SLC5A5: variants seen among roughly 807,000 people sequenced by gnomAD.
SLC5A5 encodes solute carrier family 5 member 5.
SLC5A5 carries 56 observed loss-of-function variants against 68.6 expected under a neutral mutation model. That is an observed-to-expected ratio of 0.82 (90% CI 0.66 to 1.02). The LOEUF (loss-of-function observed/expected upper bound fraction) is 1.02. Among genes scored for constraint, SLC5A5 ranks in the 50% least tolerant of loss-of-function variants. SLC5A5 has a pLI of 0.00. For synonymous variants in SLC5A5, 398 were observed against 373.0 expected, an observed-to-expected ratio of 1.07 and a Z score of -0.77; for missense variants, 807 against 859.8, an observed-to-expected ratio of 0.94 and a Z score of 0.77.
At chr19:17,887,753 A>G (rs960686342) in intron 12 of SLC5A5, among the ~76,000 whole-genome samples, 3 of 151,740 alleles carry the variant, frequency 2.0e-5, no homozygotes, top group Admixed American at 6.6e-5. Flanking sequence ...ACCCGCCATC[A>G]GGCCTGGCTA....
rs1057223499 is a variant in SLC5A5 at position 17,872,197 on chromosome 19, G to T, written c.-123G>T. On this transcript the variant is annotated 5_prime_UTR_variant, in exon 1 of 15. Coordinates refer to ENST00000222248, the MANE Select transcript of SLC5A5 (RefSeq NM_000453.3). ...GCCGCTTCCCACCCCAGACGGAGCG[G>T]GGACAGGCTGCCGAGCATCCTCCCA... The T allele has an allele frequency of 4.2e-6, 3 of 717,428 alleles. No homozygotes were observed. Among genetic ancestry groups the T allele is most frequent in the Non-Finnish European group, 6.9e-6 (3 of 432,290 alleles). 44.4% of individuals were successfully genotyped at this position (717,428 alleles called of 1,614,324 possible).
At chr19:17,887,441 C>T (rs906297785) in intron 12 of SLC5A5, among the ~76,000 whole-genome samples, 8 of 151,952 alleles carry the variant, frequency 5.3e-5, no homozygotes, top group Non-Finnish European at 1.2e-4. Flanking sequence ...ACTACAGGTG[C>T]ACACCACTAT....
In SLC5A5 at chr19:17,883,677, C is replaced by G. The variant is rs374842275; in HGVS notation, c.1243-4C>G. On this transcript the variant is annotated splice_polypyrimidine_tract_variant and splice_region_variant and intron_variant, in intron 10 of 14. Coordinates refer to ENST00000222248, the MANE Select transcript of SLC5A5 (RefSeq NM_000453.3). ...CTCAGCCCCACTTCCACCTACTCTC[C>G]CAGGGCTCCTTCACCGTCATGGGAG... 7.3e-5 allele frequency: 118 copies of G among 1,613,012 alleles called. No homozygotes were observed. In the African/African-American group the frequency reaches 1.3e-3, roughly 18 times the overall value.
At chr19:17,882,873 T>C (rs1033626597) in intron 10 of SLC5A5, among the ~76,000 whole-genome samples, 2 of 148,620 alleles carry the variant, frequency 1.3e-5, no homozygotes, top group Non-Finnish European at 3.0e-5. Context: ...TTAGTAGAGA[T>C]GGGGTTTCAC....
At chr19:17,875,097 C>T (rs529457634) in intron 4 of SLC5A5, among the ~76,000 whole-genome samples, 3 of 152,050 alleles carry the variant, frequency 2.0e-5, no homozygotes, top group South Asian at 2.1e-4. Flanking sequence ...CGGCCGGGCG[C>T]GGTGGCTCAC....
At chr19:17,886,958 C>T (rs992693544) in intron 12 of SLC5A5, among the ~76,000 whole-genome samples, 9 of 151,858 alleles carry the variant, frequency 5.9e-5, no homozygotes, top group African/African-American at 2.2e-4. Context: ...ACTTGTAGTC[C>T]CAGCTCCTTG....
intron 14 of SLC5A5, among the ~76,000 whole-genome samples, chr19:17,892,844 G>C (rs2030241367): frequency 6.6e-6 from 1 of 152,066 alleles, no homozygotes; most frequent in African/African-American, 2.4e-5. Context: ...CCCTGAGTTA[G>C]GAGAAGAGGA....
intron 14 of SLC5A5, 140 bp downstream of exon 14, chr19:17,891,141 T>C: frequency 2.8e-6 from 2 of 710,164 alleles, no homozygotes; most frequent in Non-Finnish European, 5.2e-6. Context: ...TATTGGGAGC[T>C]GATTCATCCT....
chr19:17,893,638 C>G (rs1487726821), intron 14 of SLC5A5, 75 bp from the exon 15 acceptor site: 1 of 1,475,346 alleles, frequency 6.8e-7, no homozygotes, highest in South Asian at 1.2e-5. Flanking sequence ...AGTAGCCCAT[C>G]TGGGAGATGA....
chr19:17,882,517 C>CT (rs745349830), intron 10 of SLC5A5, among the ~76,000 whole-genome samples: 19,281 of 128,104 alleles, frequency 0.15, 1,725 homozygotes, highest in Middle Eastern at 0.2. Flanking sequence ...TTTCTTTTTT[C>CT]TTTTTTTTTT....
At chr19:17,891,147 A>T (rs1031741208) in intron 14 of SLC5A5, 146 bp downstream of exon 14, 3 of 706,018 alleles carry the variant, frequency 4.2e-6, no homozygotes, top group Non-Finnish European at 7.8e-6. Flanking sequence ...GAGCTGATTC[A>T]TCCTCAACAG....
At chr19:17,892,648 A>AAGAGAGAGAGAGAGAGAG (rs1568427310) in intron 14 of SLC5A5, among the ~76,000 whole-genome samples, 1 of 58,712 alleles carries the variant, frequency 1.7e-5, no homozygotes, top group Non-Finnish European at 4.0e-5. Flanking sequence ...AAAGAAAGAA[A>AAGAGAGAGAGAGAGAGAG]AGACAGAGAG....
intron 4 of SLC5A5, 78 bp downstream of exon 4, chr19:17,874,809 C>T (rs779281237): frequency 1.4e-6 from 2 of 1,411,116 alleles, no homozygotes; most frequent in Non-Finnish European, 2.0e-6. Flanking sequence ...TGGGCTTGCC[C>T]CTTTCTCCTG....
chr19:17,872,717 C>A (rs1388101551), intron 1 of SLC5A5, 41 bp downstream of exon 1: 1 of 1,255,404 alleles, frequency 8.0e-7, no homozygotes, highest in Admixed American at 1.7e-5. Context: ...GCCCCACTGG[C>A]AGTGCTGGGA....
At chr19:17,877,373 G>A (rs897293004) in intron 5 of SLC5A5, among the ~76,000 whole-genome samples, 6 of 150,604 alleles carry the variant, frequency 4.0e-5, no homozygotes, top group African/African-American at 1.5e-4. Flanking sequence ...GCAATGGCAC[G>A]ATCTCAGCTC....
chr19:17,879,398 G>A (rs950741036), intron 7 of SLC5A5, among the ~76,000 whole-genome samples: 17 of 152,140 alleles, frequency 1.1e-4, no homozygotes, highest in African/African-American at 3.6e-4. Context: ...GACAGCTCTG[G>A]TCTCCCATGT....
intron 5 of SLC5A5, among the ~76,000 whole-genome samples, chr19:17,877,234 C>T (rs1189388592): frequency 6.6e-6 from 1 of 152,054 alleles, no homozygotes; most frequent in African/African-American, 2.4e-5. Context: ...TAAACAAATA[C>T]GTGAATTTTC....
chr19:17,877,967 C>T lies in SLC5A5; in HGVS notation c.843C>T (p.Ala281=). 2 of 1,613,616 alleles carry T rather than the reference C, an allele frequency of 1.2e-6. No individual in the cohort carries two copies. The highest frequency in any genetic ancestry group is 2.2e-5 in the South Asian group (2 of 91,086). ...CTGAGGCTGCCTCTTCCCCCAGGGC[C>T]CTGCTCATCAACCAGGTCGGCCTGT... ...ACRTEKQAKL[A]LLINQVGLFL... is the part of the protein sequence containing the mutation. Residue 281 remains alanine (A), a synonymous_variant, in exon 7 of 15, where the codon GCC becomes GCT. Transcript: ENST00000222248.
chr19:17,886,709 C>T (rs2029936921), intron 12 of SLC5A5, among the ~76,000 whole-genome samples: 1 of 152,168 alleles, frequency 6.6e-6, no homozygotes, highest in Non-Finnish European at 1.5e-5. Flanking sequence ...TCTCCACGTC[C>T]TCGCCAATAC....
Sources: gnomAD v4.1 joint callset for allele counts (sites outside exome capture counted in the v4.1 genomes callset) on GRCh38, gnomAD v4.1.1 for gene constraint, MANE v1.5 for transcripts, NCBI Gene and HGNC (gene_info 2026-07-23, HGNC 2026-07-21) for gene names.